The following GSTCD variants were observed in gnomAD, a reference collection of about 807,000 sequenced individuals.
GSTCD encodes glutathione S-transferase C-terminal domain-containing protein.
A neutral mutation model predicts 68.3 loss-of-function variants in GSTCD; 44 were observed. That is an observed-to-expected ratio of 0.64 (90% CI 0.51 to 0.83). The LOEUF (loss-of-function observed/expected upper bound fraction) is 0.83. Ranked by LOEUF, GSTCD falls within the 40% of genes least tolerant of loss-of-function variation. The pLI is 0.00. For missense variants in GSTCD, 739 were observed against 735.9 expected (o/e 1.00, Z -0.05); for synonymous variants, 273 against 255.2 (o/e 1.07, Z -0.67).
At chr4:105,735,177 C>T (rs1294672) in intron 5 of GSTCD, among the ~76,000 whole-genome samples, 1 of 152,106 alleles carries the variant, frequency 6.6e-6, no homozygotes, top group African/African-American at 2.4e-5. Context: ...CTCAAACTCT[C>T]TGCTGGGAGA....
At chr4:105,830,454 G>A (rs1385214245) in intron 8 of GSTCD, among the ~76,000 whole-genome samples, 2 of 152,016 alleles carry the variant, frequency 1.3e-5, no homozygotes, top group African/African-American at 4.8e-5. Context: ...TCAATAAAAT[G>A]TACATTGTAC....
At chr4:105,727,357 C>T (rs959932660) in intron 4 of GSTCD, among the ~76,000 whole-genome samples, 1 of 151,890 alleles carries the variant, frequency 6.6e-6, no homozygotes, top group Non-Finnish European at 1.5e-5. Flanking sequence ...AACCCCATCT[C>T]TACTAAAATT....
chr4:105,797,844 G>C (rs1735962548), intron 5 of GSTCD, among the ~76,000 whole-genome samples: 1 of 137,768 alleles, frequency 7.3e-6, no homozygotes, highest in South Asian at 2.3e-4. Context: ...GTGCGATCTT[G>C]GCTCACTGCA....
chr4:105,792,235 C>G (rs1045589663), intron 5 of GSTCD, among the ~76,000 whole-genome samples: 7 of 151,978 alleles, frequency 4.6e-5, no homozygotes, highest in African/African-American at 1.5e-4. Context: ...ACTGTCTCAT[C>G]TAGTAGTCTG....
chr4:105,761,039 T>C (rs559012166), intron 5 of GSTCD: 69 of 264,708 alleles, frequency 2.6e-4, no homozygotes, highest in African/African-American at 1.6e-3. Flanking sequence ...AGTCTTGCTC[T>C]GTCACTCAGG....
rs969290947 is a variant in GSTCD, at chr4:105,775,646, A to T, written c.1240+46147A>T. On this transcript the variant is annotated intron_variant, in intron 5 of 11. Coordinates refer to ENST00000515279, the MANE Select transcript of GSTCD (RefSeq NM_001370181.1). ...CTGGAGTTTGCTGGAGGTCTGCTCC[A>T]CACCCTGTTTGCCTGGGTATCACCA... 1.1e-4 allele frequency among the ~76,000 whole-genome samples: 16 copies of T among 152,206 alleles called. No homozygotes were observed. In the South Asian group the frequency reaches 1.2e-3, roughly 12 times the overall value.
rs560168270 is a variant in GSTCD, at chr4:105,810,358, G to T, written c.1241-12596G>T. ...TTAGCAGTTCTTGGTTTGTTTGAACGAGTGAGGAAATTATCATGCTTGTTT... is the reference window on the plus strand; with the variant it reads ...TTAGCAGTTCTTGGTTTGTTTGAACTAGTGAGGAAATTATCATGCTTGTTT... On this transcript the variant is annotated intron_variant, in intron 5 of 11. Transcript: ENST00000515279. Among the ~76,000 whole-genome samples, 363 of 152,166 alleles carry T rather than the reference G, an allele frequency of 2.4e-3. 1 individual carries two copies. The highest frequency in any genetic ancestry group is 4.1e-3 in the Non-Finnish European group (282 of 68,002).
At chr4:105,813,723 C>T (rs1055810653) in intron 5 of GSTCD, among the ~76,000 whole-genome samples, 4 of 152,232 alleles carry the variant, frequency 2.6e-5, no homozygotes, top group South Asian at 2.1e-4. Context: ...TCAGCAGTTC[C>T]GTTTATATGG....
At chr4:105,719,825 A>G (rs1231095913) in intron 3 of GSTCD, among the ~76,000 whole-genome samples, 1 of 152,152 alleles carries the variant, frequency 6.6e-6, no homozygotes, top group Non-Finnish European at 1.5e-5. Context: ...AAATGTTAAC[A>G]ATTGTTATTA....
chr4:105,817,986 C>T (rs1723082446), intron 5 of GSTCD, among the ~76,000 whole-genome samples: 1 of 151,886 alleles, frequency 6.6e-6, no homozygotes, highest in African/African-American at 2.4e-5. Flanking sequence ...AGAGAAAACT[C>T]ATTCATTAAA....
At chr4:105,771,579 T>G (rs575493942) in intron 5 of GSTCD, among the ~76,000 whole-genome samples, 2 of 152,362 alleles carry the variant, frequency 1.3e-5, no homozygotes, top group African/African-American at 4.8e-5. Context: ...GTTTCAGTTT[T>G]CAGCATATGG....
intron 9 of GSTCD, among the ~76,000 whole-genome samples, chr4:105,836,593 T>C (rs779288276): frequency 5.9e-5 from 9 of 151,990 alleles, no homozygotes; most frequent in Non-Finnish European, 1.3e-4. Flanking sequence ...GGTGTCCATC[T>C]CATGCTCGTC....
chr4:105,776,555 G>T (rs978558212), intron 5 of GSTCD, among the ~76,000 whole-genome samples: 2 of 152,106 alleles, frequency 1.3e-5, no homozygotes, highest in African/African-American at 4.8e-5. Context: ...CTTTCCTCAC[G>T]GCACAGTTCC....
intron 5 of GSTCD, among the ~76,000 whole-genome samples, chr4:105,742,738 A>G (rs1171369933): frequency 2.9e-5 from 4 of 140,252 alleles, no homozygotes; most frequent in African/African-American, 1.1e-4. Flanking sequence ...TCTTAGAGAC[A>G]TGGTCTCACT....
At chr4:105,724,749 A>G (rs1015190307) in intron 3 of GSTCD, among the ~76,000 whole-genome samples, 2 of 152,034 alleles carry the variant, frequency 1.3e-5, no homozygotes, top group African/African-American at 4.8e-5. Flanking sequence ...CAGACTACAG[A>G]TATTAAATTG....
intron 8 of GSTCD, among the ~76,000 whole-genome samples, chr4:105,833,281 A>G (rs1045507589): frequency 1.3e-5 from 2 of 152,156 alleles, no homozygotes; most frequent in Admixed American, 1.3e-4. Flanking sequence ...CCTGACCAAC[A>G]TGGTGAAACC....
intron 5 of GSTCD, among the ~76,000 whole-genome samples, chr4:105,739,262 A>G (rs1008568425): frequency 2.0e-5 from 3 of 152,120 alleles, no homozygotes; most frequent in African/African-American, 7.2e-5. Context: ...GGATTTTTGC[A>G]TCACTCTTTA....
chr4:105,743,317 C>T (rs1733697576), intron 5 of GSTCD, among the ~76,000 whole-genome samples: 1 of 152,026 alleles, frequency 6.6e-6, no homozygotes, highest in African/African-American at 2.4e-5. Context: ...TATTTATGTA[C>T]ATGTTTTTTT....
intron 5 of GSTCD, among the ~76,000 whole-genome samples, chr4:105,802,618 C>T (rs1214543291): frequency 6.6e-6 from 1 of 152,012 alleles, no homozygotes; most frequent in Non-Finnish European, 1.5e-5. Flanking sequence ...TCTTCAGGAA[C>T]ACTGGTTATC....
Sources: allele counts gnomAD v4.1 joint callset (sites outside exome capture counted in the v4.1 genomes callset), GRCh38; gene constraint gnomAD v4.1.1; transcripts MANE v1.5; gene names NCBI Gene and HGNC (gene_info 2026-07-23, HGNC 2026-07-21).